The following NPY variants were observed in gnomAD, a reference collection of about 807,000 sequenced individuals.
The protein encoded by NPY is pro-neuropeptide Y.
In NPY, 11 loss-of-function variants were observed where a neutral mutation model predicts 13.2. That is an observed-to-expected ratio of 0.83 (90% CI 0.52 to 1.38). The LOEUF is 1.38. Among genes scored for constraint, NPY ranks in the 40% most tolerant of loss-of-function variants. The pLI, the probability that NPY is intolerant of heterozygous loss-of-function variation, is 0.00. For synonymous variants in NPY, 51 were observed against 55.6 expected (o/e 0.92, Z 0.37); for missense variants, 109 against 125.1 (o/e 0.87, Z 0.61).
At chr7:24,288,312 C>A (rs1028815116) in intron 2 of NPY, among the ~76,000 whole-genome samples, 1 of 152,174 alleles carries the variant, frequency 6.6e-6, no homozygotes, top group African/African-American at 2.4e-5. Context: ...AAATCTCACA[C>A]ATGATGGGAG....
rs1184116367 is a variant in NPY, at chr7:24,285,338, C to T, written c.98C>T (p.Pro33Leu). The T allele has an allele frequency of 6.2e-7, 1 of 1,613,928 alleles. No homozygotes were observed. The highest frequency in any genetic ancestry group is 8.5e-7 in the Non-Finnish European group (1 of 1,180,040). Reference protein sequence around the residue: ...GALAEAYPSKPDNPGEDAPAE... With the variant: ...GALAEAYPSKLDNPGEDAPAE... ...CTGGCCGAGGCGTACCCCTCCAAGC[C>T]GGACAACCCGGGCGAGGACGCACCA... is the stretch of plus-strand genomic sequence containing the variant. Residue 33 changes from proline (P) to leucine (L), a missense_variant, in exon 2 of 4, where the codon CCG becomes CTG. By Grantham distance (98) the Pro-to-Leu change is moderately conservative (BLOSUM62 -3). Transcript: ENST00000242152. This position sits in a 1 kb window ranked among gnomAD's most constrained non-coding sequence, Gnocchi z 4.9.
chr7:24,285,904 G>A lies in NPY; in HGVS notation c.188+476G>A, dbSNP rs979684273. Among the ~76,000 whole-genome samples, 2 of 152,170 alleles carry A rather than the reference G, an allele frequency of 1.3e-5. No individual in the cohort carries two copies. Among genetic ancestry groups the A allele is most frequent in the African/African-American group, 4.8e-5 (2 of 41,508 alleles). ...TGCCACAGACATTGTCAGACTTTCC[G>A]GCCTGCCCAGGGCTAATTGAATGAC... is the stretch of plus-strand genomic sequence containing the variant. On this transcript the variant is annotated intron_variant, in intron 2 of 3. Transcript: ENST00000242152. The surrounding 1 kb of genome is among the most constrained non-coding windows in gnomAD (Gnocchi z 4.9).
At position 24,288,761 on chromosome 7, in the gene NPY, A is replaced by T. The variant is rs886273811; in HGVS notation, c.189-738A>T. Among the ~76,000 whole-genome samples, 10 of 152,260 alleles carry T rather than the reference A, an allele frequency of 6.6e-5. No homozygotes were observed. In the East Asian group the frequency reaches 1.5e-3, roughly 23 times the overall value. ...CCTTTAGACTTACAGGGAGGCTAAAATCACAGCATTAGGAAAGACTTTAGC... is the reference window on the plus strand; with the variant it reads ...CCTTTAGACTTACAGGGAGGCTAAATTCACAGCATTAGGAAAGACTTTAGC... On this transcript the variant is annotated intron_variant, in intron 2 of 3. Coordinates refer to ENST00000242152, the MANE Select transcript of NPY (RefSeq NM_000905.4).
At chr7:24,284,419 G>C (rs1787277032) in intron 1 of NPY, 144 bp downstream of exon 1, 1 of 152,624 alleles carries the variant, frequency 6.6e-6, no homozygotes, top group African/African-American at 2.4e-5. Flanking sequence ...CCGGCTCCGC[G>C]CCCCGACGCG....
At chr7:24,288,243 T>C (rs1787465420) in intron 2 of NPY, among the ~76,000 whole-genome samples, 1 of 152,138 alleles carries the variant, frequency 6.6e-6, no homozygotes, top group South Asian at 2.1e-4. Flanking sequence ...ATGGACAGAA[T>C]AAATAAGTAT....
rs755655744 is a variant in NPY, at chr7:24,285,368, A to T, written c.128A>T (p.Glu43Val). ...PDNPGEDAPA[E>V]DMARYYSALR... ...AACCCGGGCGAGGACGCACCAGCGG[A>T]GGACATGGCCAGATACTACTCGGCG... is the stretch of plus-strand genomic sequence containing the variant. The change falls in exon 2 of 4, where the codon GAG (glutamate) becomes GTG (valine). Residue 43 changes from glutamate (E) to valine (V), a missense_variant. Glu to Val is a moderately radical substitution (Grantham distance 121). Transcript: ENST00000242152. This position sits in a 1 kb window ranked among gnomAD's most constrained non-coding sequence, Gnocchi z 4.9. The T allele has an allele frequency of 1.9e-6, 3 of 1,614,098 alleles. No individual in the cohort carries two copies. Among genetic ancestry groups the T allele is most frequent in the Non-Finnish European group, 2.5e-6 (3 of 1,180,032 alleles).
At chr7:24,289,005 G>A (rs141484706) in intron 2 of NPY, among the ~76,000 whole-genome samples, 1 of 152,278 alleles carries the variant, frequency 6.6e-6, no homozygotes, top group African/African-American at 2.4e-5. Context: ...ACACAGGTGG[G>A]TCTTGGACGG....
rs1365259090 is a variant in NPY, at chr7:24,285,551, G to A, written c.188+123G>A. On this transcript the variant is annotated intron_variant, in intron 2 of 3. Coordinates refer to ENST00000242152, the MANE Select transcript of NPY (RefSeq NM_000905.4). The surrounding 1 kb of genome is among the most constrained non-coding windows in gnomAD (Gnocchi z 4.9). ...TCTATCCCAGGGCAGGACAGTATCA[G>A]GCACTTAGTCAGCTCTAGGTAAATG... 1.0e-6 allele frequency: 1 copy of A among 991,710 alleles called. No individual in the cohort carries two copies. Among genetic ancestry groups the A allele is most frequent in the Admixed American group, 2.4e-5 (1 of 40,842 alleles). The allele number at this position is 991,710 out of a possible 1,614,324, so 61.4% of individuals were successfully genotyped here.
At chr7:24,288,102 C>A (rs1244444155) in intron 2 of NPY, among the ~76,000 whole-genome samples, 1 of 152,148 alleles carries the variant, frequency 6.6e-6, no homozygotes, top group East Asian at 1.9e-4. Context: ...TGTGCAAATC[C>A]TCCTATTTCA....
chr7:24,285,128 T>A lies in NPY; in HGVS notation c.1-113T>A, dbSNP rs1743914825. 1 of 1,063,286 alleles carries A rather than the reference T, an allele frequency of 9.4e-7. No individual in the cohort carries two copies. The highest frequency in any genetic ancestry group is 1.4e-6 in the Non-Finnish European group (1 of 701,106). 65.9% of individuals were successfully genotyped at this position (1,063,286 alleles called of 1,614,324 possible). A position where few individuals can be genotyped will look rare whatever the true frequency, so the allele number is the denominator to read the frequency against. ...TCTGCGGGACTGGGACGAGAGCGGA[T>A]TGGGGGTCGCGTGTGGTAGCAGGAG... On this transcript the variant is annotated intron_variant, in intron 1 of 3. Coordinates refer to ENST00000242152, the MANE Select transcript of NPY (RefSeq NM_000905.4). The surrounding 1 kb of genome is among the most constrained non-coding windows in gnomAD (Gnocchi z 4.9).
At chr7:24,290,770 A>AT (rs1205410654) in intron 3 of NPY, among the ~76,000 whole-genome samples, 54 of 72,262 alleles carry the variant, frequency 7.5e-4, no homozygotes, top group African/African-American at 2.6e-3. Context: ...AATAATAATA[A>AT]TAATAATTAT....
At chr7:24,290,678 C>T (rs572731459) in intron 3 of NPY, among the ~76,000 whole-genome samples, 2 of 151,354 alleles carry the variant, frequency 1.3e-5, no homozygotes, top group South Asian at 4.2e-4. Flanking sequence ...TGCTCCTGTC[C>T]CTGGAGGAAC....
Position 24,285,139 on chromosome 7 carries a change from G to A in NPY, c.1-102G>A. ...GGGACGAGAGCGGATTGGGGGTCGC[G>A]TGTGGTAGCAGGAGGAGGAGCGCGG... On this transcript the variant is annotated intron_variant, in intron 1 of 3. Coordinates refer to ENST00000242152, the MANE Select transcript of NPY (RefSeq NM_000905.4). The surrounding 1 kb of genome is among the most constrained non-coding windows in gnomAD (Gnocchi z 4.9). 8.3e-7 allele frequency: 1 copy of A among 1,202,108 alleles called. No homozygotes were observed. Among genetic ancestry groups the A allele is most frequent in the Non-Finnish European group, 1.2e-6 (1 of 822,900 alleles). The allele number at this position is 1,202,108 out of a possible 1,614,324, so 74.5% of individuals were successfully genotyped here. A position where few individuals can be genotyped will look rare whatever the true frequency, so the allele number is the denominator to read the frequency against.
chr7:24,284,423 C>G (rs934753917), intron 1 of NPY, 148 bp downstream of exon 1: 3 of 152,680 alleles, frequency 2.0e-5, no homozygotes, highest in African/African-American at 7.2e-5. Flanking sequence ...CTCCGCGCCC[C>G]GACGCGGACC....
chr7:24,287,183 A>C (rs1431441750), intron 2 of NPY, among the ~76,000 whole-genome samples: 1 of 152,044 alleles, frequency 6.6e-6, no homozygotes, highest in Non-Finnish European at 1.5e-5. Flanking sequence ...ATGAGAAAAA[A>C]ACATAAAGGA....
intron 2 of NPY, among the ~76,000 whole-genome samples, chr7:24,287,643 G>T (rs1787441890): frequency 6.6e-6 from 1 of 151,738 alleles, no homozygotes; most frequent in South Asian, 2.1e-4. Context: ...GTGTGATTTG[G>T]CAGTGTCTGG....
In NPY at chr7:24,285,083, C is replaced by T. The variant is rs1583569793; in HGVS notation, c.1-158C>T. Reference sequence around the variant, plus strand: ...GGCGCCCGGAGCCCGCAAGGTGGTGCTAGCCACTCCTGGGTTCTCTCTGCG... The same window carrying T: ...GGCGCCCGGAGCCCGCAAGGTGGTGTTAGCCACTCCTGGGTTCTCTCTGCG... On this transcript the variant is annotated intron_variant, in intron 1 of 3. Coordinates refer to ENST00000242152, the MANE Select transcript of NPY (RefSeq NM_000905.4). The surrounding 1 kb of genome is among the most constrained non-coding windows in gnomAD (Gnocchi z 4.9). 1.3e-6 allele frequency: 1 copy of T among 754,886 alleles called. No homozygotes were observed. The highest frequency in any genetic ancestry group is 2.6e-5 in the East Asian group (1 of 38,416). 46.8% of individuals were successfully genotyped at this position (754,886 alleles called of 1,614,324 possible). A position where few individuals can be genotyped will look rare whatever the true frequency, so the allele number is the denominator to read the frequency against.
At position 24,289,598 on chromosome 7, in the gene NPY, T is replaced by A. The variant is rs752205922; in HGVS notation, c.269+19T>A. ...GAACTCGGTATGACAAGGCTTGTGA[T>A]GGGGACATTGTTGCAGAGCTCAAGG... is the stretch of plus-strand genomic sequence containing the variant. On this transcript the variant is annotated intron_variant, in intron 3 of 3. Coordinates refer to ENST00000242152, the MANE Select transcript of NPY (RefSeq NM_000905.4). 8.8e-6 allele frequency: 14 copies of A among 1,599,172 alleles called. No individual in the cohort carries two copies. The highest frequency in any genetic ancestry group is 1.3e-5 in the African/African-American group (1 of 74,458).
chr7:24,286,514 C>G (rs1363805395), intron 2 of NPY, among the ~76,000 whole-genome samples: 1 of 152,020 alleles, frequency 6.6e-6, no homozygotes, highest in African/African-American at 2.4e-5. Context: ...CATATTTTTA[C>G]TGTTTACAAG....
Sources: allele counts gnomAD v4.1 joint callset (sites outside exome capture counted in the v4.1 genomes callset), GRCh38; gene constraint gnomAD v4.1.1; non-coding constraint Gnocchi (gnomAD v3.1); transcripts MANE v1.5; gene names NCBI Gene and HGNC (gene_info 2026-07-23, HGNC 2026-07-21).